ANKRD18B: variants seen among roughly 807,000 people sequenced by gnomAD.
ANKRD18B encodes the protein ankyrin repeat domain 18B, also known as ankyrin repeat domain-containing protein 18B.
Under a neutral mutation model 111.8 loss-of-function variants are expected in ANKRD18B, and 75 were observed. The observed-to-expected ratio is 0.67, with a 90% CI of 0.56 to 0.81. ANKRD18B has a LOEUF of 0.81. Among genes scored for constraint, ANKRD18B ranks in the 40% least tolerant of loss-of-function variants. The pLI is 0.00. For synonymous variants in ANKRD18B, 356 were observed against 417.3 expected (o/e 0.85, Z 1.79); for missense variants, 1,038 against 1,225.5 (o/e 0.85, Z 2.28).
chr9:33,560,959 C>T (rs1166410214), intron 14 of ANKRD18B, among the ~76,000 whole-genome samples: 7 of 151,962 alleles, frequency 4.6e-5, no homozygotes, highest in Admixed American at 3.3e-4. Flanking sequence ...AACAAGACTC[C>T]GTCTCAAAAA....
At chr9:33,536,222 A>G (rs1199273290) in intron 5 of ANKRD18B, among the ~76,000 whole-genome samples, 1 of 152,172 alleles carries the variant, frequency 6.6e-6, no homozygotes, top group Non-Finnish European at 1.5e-5. Flanking sequence ...AGATAATAAT[A>G]TATTTGTATA....
chr9:33,560,208 A>T (rs1407963470), intron 14 of ANKRD18B, among the ~76,000 whole-genome samples: 1 of 152,224 alleles, frequency 6.6e-6, no homozygotes, highest in Non-Finnish European at 1.5e-5. Context: ...GGTGAGAAGG[A>T]CAGAATTTAT....
chr9:33,538,712 TGACA>T, intron 6 of ANKRD18B, among the ~76,000 whole-genome samples: 1 of 151,760 alleles, frequency 6.6e-6, no homozygotes, highest in South Asian at 2.1e-4. Context: ...TCCAGCTGGG[TGACA>T]GAGCAAGATT....
intron 1 of ANKRD18B, among the ~76,000 whole-genome samples, chr9:33,526,778 A>G (rs1828030917): frequency 6.6e-6 from 1 of 152,196 alleles, no homozygotes; most frequent in African/African-American, 2.4e-5. Context: ...TTTCTTATGT[A>G]TAGATTCATT....
In ANKRD18B at chr9:33,533,533, A is replaced by T. The variant is rs1213472376; in HGVS notation, c.590A>T (p.Asp197Val). The part of the protein sequence containing the change: ...LKNQANIHAV[D>V]NFKRTALILA... ...AACCAGGCAAATATACATGCCGTTG[A>T]CAATTTCAAAAGGTGCAATAGTTTT... The change falls in exon 4 of 19, where the codon GAC becomes GTC. Residue 197 changes from aspartate to valine, a missense_variant. Physicochemically the swap from Asp to Val is radical, Grantham distance 152. This residue lies in a region of ANKRD18B where 93 missense variants were observed against 141.3 expected (regional missense o/e 0.66). Transcript: ENST00000684830. The T allele has an allele frequency of 6.5e-7, 1 of 1,530,980 alleles. No homozygotes were observed. The highest frequency in any genetic ancestry group is 2.5e-5 in the East Asian group (1 of 40,664). The allele number at this position is 1,530,980 out of a possible 1,614,324, so 94.8% of individuals were successfully genotyped here.
chr9:33,565,704 C>T (rs375034333), intron 14 of ANKRD18B, among the ~76,000 whole-genome samples: 2 of 152,040 alleles, frequency 1.3e-5, no homozygotes, highest in African/African-American at 2.4e-5. Flanking sequence ...AATTCCTGGC[C>T]TCCAGTGATC....
chr9:33,529,230 G>C (rs867041790), intron 3 of ANKRD18B, 57 bp downstream of exon 3: 3 of 1,509,648 alleles, frequency 2.0e-6, no homozygotes, highest in Non-Finnish European at 2.7e-6. Flanking sequence ...ACATAGGTAA[G>C]AGTCAATTTT....
At chr9:33,552,967 GA>G (rs745982630) in intron 12 of ANKRD18B, among the ~76,000 whole-genome samples, 11 of 152,036 alleles carry the variant, frequency 7.2e-5, no homozygotes, top group Non-Finnish European at 1.0e-4. Flanking sequence ...CGGAGACACG[GA>G]AAATTAATTT....
chr9:33,573,216 A>G, downstream of ANKRD18B: 7 of 985,358 alleles, frequency 7.1e-6, no homozygotes, highest in Non-Finnish European at 8.4e-6. Flanking sequence ...GCCACCGAGG[A>G]AGCACAGGCG....
intron 4 of ANKRD18B, chr9:33,533,797 A>G: frequency 1.5e-6 from 1 of 679,986 alleles, no homozygotes; most frequent in Non-Finnish European, 2.0e-6. Flanking sequence ...CTGTAATCTT[A>G]TATTAGCTAA....
chr9:33,552,562 G>A (rs982838461), intron 12 of ANKRD18B, among the ~76,000 whole-genome samples: 6 of 152,150 alleles, frequency 3.9e-5, no homozygotes, highest in Non-Finnish European at 5.9e-5. Flanking sequence ...AGGAGGTGCT[G>A]TTTCCATTGT....
chr9:33,541,663 A>G (rs1828280964), intron 9 of ANKRD18B, among the ~76,000 whole-genome samples: 1 of 152,182 alleles, frequency 6.6e-6, no homozygotes. Context: ...GCAACATTAT[A>G]CTGTAGCCTG....
chr9:33,546,189 G>A (rs1355668754), intron 10 of ANKRD18B, among the ~76,000 whole-genome samples: 1 of 152,176 alleles, frequency 6.6e-6, no homozygotes, highest in African/African-American at 2.4e-5. Context: ...TGACTGAGAA[G>A]AGACATGAAA....
intron 14 of ANKRD18B, among the ~76,000 whole-genome samples, chr9:33,564,791 T>G (rs1828661436): frequency 6.6e-6 from 1 of 152,154 alleles, no homozygotes; most frequent in Non-Finnish European, 1.5e-5. Context: ...TCCCTGATGA[T>G]TAGTGATACT....
downstream of ANKRD18B, among the ~76,000 whole-genome samples, chr9:33,575,431 G>A (rs1328352269): frequency 6.6e-6 from 1 of 152,216 alleles, no homozygotes; most frequent in Non-Finnish European, 1.5e-5. Context: ...AGGGGAAGCT[G>A]GAAACTTTGA....
At chr9:33,557,300 T>G (rs1359705998) in intron 13 of ANKRD18B, among the ~76,000 whole-genome samples, 2 of 152,162 alleles carry the variant, frequency 1.3e-5, no homozygotes, top group Admixed American at 1.3e-4. Flanking sequence ...TTGTGCTTTT[T>G]GGGTGTACTT....
chr9:33,529,350 C>A (rs1407899753), intron 3 of ANKRD18B, among the ~76,000 whole-genome samples, 177 bp downstream of exon 3: 1 of 152,170 alleles, frequency 6.6e-6, no homozygotes, highest in African/African-American at 2.4e-5. Context: ...GAGGGCACAG[C>A]TATTTTAGTG....
chr9:33,543,689 A>G (rs1311936148), intron 10 of ANKRD18B, among the ~76,000 whole-genome samples: 1 of 152,202 alleles, frequency 6.6e-6, no homozygotes, highest in Non-Finnish European at 1.5e-5. Context: ...CTGAGGTTAA[A>G]GACTTCTTCT....
chr9:33,543,397 T>C, intron 10 of ANKRD18B, 142 bp downstream of exon 10: 9 of 724,382 alleles, frequency 1.2e-5, no homozygotes, highest in South Asian at 3.0e-5. Context: ...TTTTAAAATA[T>C]TTTAGCCTGT....
Sources: allele counts gnomAD v4.1 joint callset (sites outside exome capture counted in the v4.1 genomes callset), GRCh38; gene constraint gnomAD v4.1.1; regional missense constraint gnomAD v4.1.1; transcripts MANE v1.5; gene names NCBI Gene and HGNC (gene_info 2026-07-23, HGNC 2026-07-21).